ARID1B: variants seen among roughly 807,000 people sequenced by gnomAD.
ARID1B encodes the protein AT-rich interactive domain-containing protein 1B.
In ARID1B, 30 loss-of-function variants were observed where a neutral mutation model predicts 212.3. The ratio of observed to expected loss-of-function variants is 0.14; its 90% confidence interval spans 0.11 to 0.19. ARID1B has a LOEUF of 0.19. Ranked by LOEUF, ARID1B falls within the 10% of genes least tolerant of loss-of-function variation. The pLI, the probability that ARID1B is intolerant of heterozygous loss-of-function variation, is 1.00. For missense variants in ARID1B, 2,891 were observed against 3,204.0 expected, an observed-to-expected ratio of 0.90 and a Z score of 2.36; for synonymous variants, 1,402 against 1,301.7, an observed-to-expected ratio of 1.08 and a Z score of -1.66.
At chr6:156,790,294 T>G (rs1299948011) in intron 1 of ARID1B, among the ~76,000 whole-genome samples, 3 of 152,214 alleles carry the variant, frequency 2.0e-5, no homozygotes, top group Non-Finnish European at 4.4e-5. Flanking sequence ...CAGAAGTAGA[T>G]ATCCAGAAAA....
intron 18 of ARID1B, among the ~76,000 whole-genome samples, chr6:157,202,090 A>C (rs1794152603): frequency 6.6e-6 from 1 of 152,200 alleles, no homozygotes; most frequent in Non-Finnish European, 1.5e-5. Flanking sequence ...AGATGGTATG[A>C]CATAAAGAAT....
chr6:157,111,718 TTG>T (rs2128521095), intron 6 of ARID1B, among the ~76,000 whole-genome samples: 1 of 152,362 alleles, frequency 6.6e-6, no homozygotes, highest in Non-Finnish European at 1.5e-5. Flanking sequence ...TACATATCAT[TTG>T]TGTTGAATGT....
intron 7 of ARID1B, among the ~76,000 whole-genome samples, chr6:157,140,299 A>C (rs185270755): frequency 1.3e-5 from 2 of 152,034 alleles, no homozygotes; most frequent in East Asian, 3.9e-4. Context: ...GTGAAACCCC[A>C]TCTCTATTAA....
chr6:157,023,324 T>A (rs1285585054), intron 4 of ARID1B: 2 of 152,228 alleles, frequency 1.3e-5, no homozygotes, highest in Admixed American at 6.5e-5. Context: ...GCAATCTCTT[T>A]TAATAGTGCT....
rs79323336 is a variant in ARID1B, at chr6:156,988,519, G to C, written c.2247+52943G>C. ...GGCCACTCCTTCCATAGTTTAAATG[G>C]GGGCAGCACATCCTCTTGCTTCTAC... On this transcript the variant is annotated intron_variant, in intron 4 of 19. Transcript: ENST00000636930. Among the ~76,000 whole-genome samples the C allele has an allele frequency of 1.3e-4, 20 of 152,264 alleles. No homozygotes were observed. The East Asian group carries it at 3.9e-3, about 29-fold the overall frequency.
At chr6:156,813,039 T>TACACATACGTATGTATATACATATATAA (rs1562404422) in intron 1 of ARID1B, among the ~76,000 whole-genome samples, 1 of 148,668 alleles carries the variant, frequency 6.7e-6, no homozygotes, top group Non-Finnish European at 1.5e-5. Flanking sequence ...TACATATATA[T>TACACATACGTATGTATATACATATATAA]ATACACATAC....
rs1009993187 is a variant in ARID1B, at chr6:157,189,869, G to T, written c.4058+89G>T. The T allele has an allele frequency of 8.8e-6, 14 of 1,592,072 alleles. No individual in the cohort carries two copies. The Admixed American group carries it at 2.5e-4, about 28-fold the overall frequency. The stretch of plus-strand genomic sequence containing the variant: ...GCAAACTTCACAGAGAGAAGAAATG[G>T]TATTCCCTAGAGAGTTTTTAAATGT... On this transcript the variant is annotated intron_variant, in intron 14 of 19. Coordinates refer to ENST00000636930, the MANE Select transcript of ARID1B (RefSeq NM_001374828.1).
chr6:157,160,033 C>T (rs1790830895), intron 8 of ARID1B, among the ~76,000 whole-genome samples: 1 of 152,232 alleles, frequency 6.6e-6, no homozygotes, highest in South Asian at 2.1e-4. Context: ...TGGAAGATAA[C>T]TGGTAGCTGC....
chr6:157,162,089 A>G (rs1280237949), intron 8 of ARID1B, among the ~76,000 whole-genome samples: 2 of 152,224 alleles, frequency 1.3e-5, no homozygotes, highest in Non-Finnish European at 2.9e-5. Flanking sequence ...AAAGAACTGT[A>G]TCAGAAACCC....
chr6:156,933,155 GAAGAA>G (rs1230508389), intron 3 of ARID1B, among the ~76,000 whole-genome samples: 1 of 151,878 alleles, frequency 6.6e-6, no homozygotes, highest in Non-Finnish European at 1.5e-5. Context: ...TTCATTGAGC[GAAGAA>G]GAGAAAATAA....
chr6:157,143,110 G>A (rs375950144), intron 7 of ARID1B, among the ~76,000 whole-genome samples: 6 of 152,156 alleles, frequency 3.9e-5, no homozygotes, highest in South Asian at 4.1e-4. Flanking sequence ...TGGAACTCCT[G>A]GTGGGTAGAA....
At chr6:156,860,980 A>C (rs1226283165) in intron 2 of ARID1B, among the ~76,000 whole-genome samples, 1 of 152,240 alleles carries the variant, frequency 6.6e-6, no homozygotes, top group Non-Finnish European at 1.5e-5. Flanking sequence ...GGTTTGGAAA[A>C]AGATACACAT....
intron 3 of ARID1B, among the ~76,000 whole-genome samples, chr6:156,906,453 A>AAG (rs1789384051): frequency 1.3e-5 from 2 of 149,886 alleles, no homozygotes; most frequent in African/African-American, 4.9e-5. Context: ...GCTGAGGCAG[A>AAG]AGAATCGCTT....
chr6:157,206,896 C>A lies in ARID1B; in HGVS notation c.6124C>A (p.Leu2042Met), dbSNP rs1562352930. The change falls in exon 20 of 20, where the codon CTG becomes ATG. Residue 2042 changes from leucine to methionine, a missense_variant. By Grantham distance (15) the Leu-to-Met change is conservative. This residue lies in a region of ARID1B where 332 missense variants were observed against 369.2 expected (regional missense o/e 0.90). Coordinates refer to ENST00000636930, the MANE Select transcript of ARID1B (RefSeq NM_001374828.1). This position sits in a 1 kb window ranked among gnomAD's most constrained non-coding sequence, Gnocchi z 6.8. ...CAAAAGTCACCGGAACATCAAGCTG[C>A]TGGAGGACGAGCCCAGGAGCCGAGA... ...QAKSHRNIKL[L>M]EDEPRSRDET... The A allele has an allele frequency of 3.1e-6, 5 of 1,614,178 alleles. No homozygotes were observed. The highest frequency in any genetic ancestry group is 3.4e-6 in the Non-Finnish European group (4 of 1,180,034).
At chr6:157,145,967 T>C (rs1275895005) in intron 7 of ARID1B, among the ~76,000 whole-genome samples, 1 of 152,164 alleles carries the variant, frequency 6.6e-6, no homozygotes, top group Non-Finnish European at 1.5e-5. Context: ...CAGTTATTAA[T>C]CCAATCCTAC....
chr6:156,946,349 G>A (rs1238882228), intron 4 of ARID1B, among the ~76,000 whole-genome samples: 1 of 151,960 alleles, frequency 6.6e-6, no homozygotes, highest in Admixed American at 6.6e-5. Flanking sequence ...TCCAGTCTGG[G>A]CGACAGAGTG....
intron 1 of ARID1B, among the ~76,000 whole-genome samples, chr6:156,820,023 A>C (rs1157776922): frequency 6.6e-6 from 1 of 152,080 alleles, no homozygotes; most frequent in Admixed American, 6.6e-5. Context: ...TGTGTCCTGG[A>C]TTCTGACATG....
chr6:157,045,447 C>T (rs556031046), intron 4 of ARID1B, among the ~76,000 whole-genome samples: 8 of 152,276 alleles, frequency 5.3e-5, no homozygotes, highest in Admixed American at 2.6e-4. Context: ...CTTCTCTACT[C>T]TTTGCGTCTT....
At chr6:156,988,051 G>T (rs9322591) in intron 4 of ARID1B, among the ~76,000 whole-genome samples, 91,159 of 151,976 alleles carry the variant, frequency 0.6, 28,403 homozygotes, top group African/African-American at 0.78. Flanking sequence ...GCTTACTGTT[G>T]GTACATATAG....
Sources: gnomAD v4.1 joint callset for allele counts (sites outside exome capture counted in the v4.1 genomes callset) on GRCh38, gnomAD v4.1.1 for gene constraint, gnomAD v4.1.1 regional missense constraint, Gnocchi (gnomAD v3.1) non-coding constraint, MANE v1.5 for transcripts, NCBI Gene and HGNC (gene_info 2026-07-23, HGNC 2026-07-21) for gene names.